Variants in SUMF1 observed in about 807,000 individuals in gnomAD.
SUMF1 encodes formylglycine-generating enzyme.
In SUMF1, 48 loss-of-function variants were observed where a neutral mutation model predicts 47.6. That is an observed-to-expected ratio of 1.01 (90% CI 0.80 to 1.28). The LOEUF (loss-of-function observed/expected upper bound fraction) is 1.28, where lower values mean the gene tolerates loss of function less well. Ranked by LOEUF, SUMF1 falls within the 50% of genes most tolerant of loss-of-function variation. The pLI, the probability that SUMF1 is intolerant of heterozygous loss-of-function variation, is 0.00. For missense variants in SUMF1, 571 were observed against 485.4 expected, an observed-to-expected ratio of 1.18 and a Z score of -1.66; for synonymous variants, 230 against 192.1, an observed-to-expected ratio of 1.20 and a Z score of -1.63.
intron 8 of SUMF1, among the ~76,000 whole-genome samples, chr3:4,255,813 T>A (rs1246467659): frequency 1.0e-5 from 1 of 98,480 alleles, no homozygotes. Context: ...AGAATATACA[T>A]TTTTTTCAGC....
intron 8 of SUMF1, among the ~76,000 whole-genome samples, chr3:4,324,394 G>A (rs970350240): frequency 2.2e-4 from 33 of 152,094 alleles, no homozygotes; most frequent in Non-Finnish European, 1.5e-5. Context: ...GATGTGCCAA[G>A]GAAAACCATA....
intron 8 of SUMF1, among the ~76,000 whole-genome samples, chr3:4,158,020 C>A (rs1187668470): frequency 6.6e-6 from 1 of 151,482 alleles, no homozygotes; most frequent in East Asian, 1.9e-4. Flanking sequence ...TAAACTAGTG[C>A]CTTAATTGCT....
chr3:4,155,628 G>A (rs986506830), intron 8 of SUMF1, among the ~76,000 whole-genome samples: 2 of 151,364 alleles, frequency 1.3e-5, no homozygotes, highest in African/African-American at 4.9e-5. Flanking sequence ...TGTGATTTGG[G>A]GCTCAGCTTT....
intron 8 of SUMF1, among the ~76,000 whole-genome samples, chr3:4,375,107 G>A (rs1168669846): frequency 7.9e-6 from 1 of 127,340 alleles, no homozygotes; most frequent in Non-Finnish European, 1.6e-5. Flanking sequence ...CTGCACCTCA[G>A]TCTGGGTGAA....
At chr3:4,297,526 G>C (rs1279900607) in intron 8 of SUMF1, among the ~76,000 whole-genome samples, 1 of 149,542 alleles carries the variant, frequency 6.7e-6, no homozygotes, top group African/African-American at 2.5e-5. Flanking sequence ...TCCCACCTCA[G>C]CCTCCCTAGA....
chr3:4,293,876 A>G (rs1697788441), intron 8 of SUMF1, among the ~76,000 whole-genome samples: 1 of 152,224 alleles, frequency 6.6e-6, no homozygotes, highest in Admixed American at 6.5e-5. Context: ...TCTAATTTCA[A>G]GATTTCTAAT....
intron 8 of SUMF1, among the ~76,000 whole-genome samples, chr3:4,267,940 TG>T: frequency 6.6e-6 from 1 of 151,456 alleles, no homozygotes; most frequent in Middle Eastern, 3.4e-3. Flanking sequence ...TGCACACGTA[TG>T]TTTATTGTGG....
intron 8 of SUMF1, among the ~76,000 whole-genome samples, chr3:4,346,317 TAACA>T (rs1699372920): frequency 6.6e-6 from 1 of 152,132 alleles, no homozygotes; most frequent in South Asian, 2.1e-4. Flanking sequence ...ACTGAAATCA[TAACA>T]AACAGTCTCT....
intron 8 of SUMF1, among the ~76,000 whole-genome samples, chr3:4,299,799 G>C (rs1697926721): frequency 6.6e-6 from 1 of 152,084 alleles, no homozygotes. Flanking sequence ...GACAGAGTGA[G>C]ACTCCACCTC....
chr3:4,343,333 G>A (rs1699310350), intron 8 of SUMF1, among the ~76,000 whole-genome samples: 1 of 152,212 alleles, frequency 6.6e-6, no homozygotes, highest in Non-Finnish European at 1.5e-5. Flanking sequence ...CCAAACCACA[G>A]GGATAAAAAG....
intron 7 of SUMF1, among the ~76,000 whole-genome samples, chr3:4,381,907 G>A (rs978145285): frequency 9.9e-5 from 15 of 152,232 alleles, no homozygotes; most frequent in African/African-American, 3.1e-4. Flanking sequence ...TTAGCCGGGC[G>A]TGGTGGGGCA....
chr3:4,378,022 G>A (rs1368300769), intron 7 of SUMF1, among the ~76,000 whole-genome samples: 2 of 152,210 alleles, frequency 1.3e-5, no homozygotes, highest in African/African-American at 2.4e-5. Flanking sequence ...GTGGGCAGAA[G>A]TGCACATTAC....
chr3:4,186,660 A>C (rs1695207281), intron 8 of SUMF1, among the ~76,000 whole-genome samples: 3 of 152,152 alleles, frequency 2.0e-5, no homozygotes, highest in Non-Finnish European at 4.4e-5. Context: ...GTTCATAAGC[A>C]GTATTTATTA....
chr3:4,191,545 T>C (rs898387166), intron 8 of SUMF1, among the ~76,000 whole-genome samples: 2 of 152,098 alleles, frequency 1.3e-5, no homozygotes, highest in African/African-American at 4.8e-5. Context: ...TAATTCAGGC[T>C]ATGGCATGGG....
At chr3:4,041,092 A>T (rs1174061436) in intron 9 of SUMF1, among the ~76,000 whole-genome samples, 1 of 152,104 alleles carries the variant, frequency 6.6e-6, no homozygotes, top group Non-Finnish European at 1.5e-5. Context: ...TGTTTTTTTG[A>T]GACAGAATCT....
chr3:4,034,578 T>C (rs945208366), intron 9 of SUMF1, among the ~76,000 whole-genome samples: 7 of 152,100 alleles, frequency 4.6e-5, no homozygotes, highest in African/African-American at 1.4e-4. Flanking sequence ...GAATCTGCAT[T>C]TGGTGATTCT....
intron 8 of SUMF1, among the ~76,000 whole-genome samples, chr3:4,341,771 T>C (rs1249808449): frequency 1.3e-5 from 2 of 152,224 alleles, no homozygotes; most frequent in African/African-American, 2.4e-5. Flanking sequence ...ATAAGTGGCT[T>C]GTGGCTTTTG....
At chr3:4,251,963 C>A (rs147198167) in intron 8 of SUMF1, among the ~76,000 whole-genome samples, 1 of 152,100 alleles carries the variant, frequency 6.6e-6, no homozygotes, top group South Asian at 2.1e-4. Context: ...TCTATATGCA[C>A]GGGAAAACCA....
At chr3:4,383,863 C>A (rs1700586948) in intron 7 of SUMF1, among the ~76,000 whole-genome samples, 1 of 152,256 alleles carries the variant, frequency 6.6e-6, no homozygotes, top group Middle Eastern at 3.4e-3. Flanking sequence ...ACTGTAGTGG[C>A]CTAACTCATG....
Sources: allele counts gnomAD v4.1 joint callset (sites outside exome capture counted in the v4.1 genomes callset), GRCh38; gene constraint gnomAD v4.1.1; transcripts MANE v1.5; gene names NCBI Gene and HGNC (gene_info 2026-07-23, HGNC 2026-07-21).